CNTN5: variants seen among roughly 807,000 people sequenced by gnomAD.
The protein encoded by CNTN5 is contactin 5.
In CNTN5, 77 loss-of-function variants were observed where a neutral mutation model predicts 129.1. The ratio of observed to expected loss-of-function variants is 0.60; its 90% confidence interval spans 0.50 to 0.72. The LOEUF (loss-of-function observed/expected upper bound fraction) is 0.72. CNTN5 is among the 30% of genes least tolerant of loss of function. CNTN5 has a pLI of 0.00. For synonymous variants in CNTN5, 509 were observed against 465.6 expected (o/e 1.09, Z -1.20); for missense variants, 1,478 against 1,328.8 (o/e 1.11, Z -1.75).
intron 2 of CNTN5, among the ~76,000 whole-genome samples, chr11:99,381,571 A>C (rs1216796099): frequency 6.6e-6 from 1 of 152,228 alleles, no homozygotes; most frequent in Non-Finnish European, 1.5e-5. Flanking sequence ...TTTCAAGATT[A>C]GTCAGAAGTT....
At chr11:100,171,477 A>C (rs1398376883) in intron 13 of CNTN5, among the ~76,000 whole-genome samples, 1 of 152,048 alleles carries the variant, frequency 6.6e-6, no homozygotes. Context: ...GCATTAAGAA[A>C]TACTGTCAGG....
chr11:99,903,367 A>G (rs966870846), intron 6 of CNTN5, among the ~76,000 whole-genome samples: 12 of 151,938 alleles, frequency 7.9e-5, no homozygotes, highest in Admixed American at 2.6e-4. Context: ...AAAATTCAAA[A>G]CAGTCCTTTA....
chr11:100,169,807 A>C (rs1438107082), intron 13 of CNTN5, among the ~76,000 whole-genome samples: 1 of 151,942 alleles, frequency 6.6e-6, no homozygotes, highest in Non-Finnish European at 1.5e-5. Flanking sequence ...AGTATGACTA[A>C]GTTTTTCCAT....
At chr11:100,040,529 A>G (rs1322417504) in intron 9 of CNTN5, among the ~76,000 whole-genome samples, 1 of 152,186 alleles carries the variant, frequency 6.6e-6, no homozygotes, top group Non-Finnish European at 1.5e-5. Context: ...TGCAGAGGTT[A>G]CTGCTGTCTT....
intron 3 of CNTN5, among the ~76,000 whole-genome samples, chr11:99,615,471 C>T (rs550757397): frequency 1.4e-4 from 21 of 152,136 alleles, no homozygotes; most frequent in Admixed American, 9.8e-4. Context: ...CACAATTTTC[C>T]TACCTATATT....
chr11:99,292,966 T>C (rs956596011), intron 1 of CNTN5, among the ~76,000 whole-genome samples: 2 of 152,206 alleles, frequency 1.3e-5, no homozygotes, highest in Admixed American at 1.3e-4. Flanking sequence ...AATGAAAGTA[T>C]ACCCTGTAAG....
chr11:100,035,593 T>G (rs1428326495), intron 9 of CNTN5, among the ~76,000 whole-genome samples: 4 of 142,388 alleles, frequency 2.8e-5, no homozygotes, highest in Non-Finnish European at 4.6e-5. Flanking sequence ...ACCAACAGTG[T>G]AAAAGTGTTC....
At chr11:99,975,027 A>G (rs1056413552) in intron 8 of CNTN5, among the ~76,000 whole-genome samples, 1 of 152,262 alleles carries the variant, frequency 6.6e-6, no homozygotes, top group Non-Finnish European at 1.5e-5. Flanking sequence ...GCAACTTGCA[A>G]ATGATTCATA....
At chr11:100,039,074 T>C (rs1942216744) in intron 9 of CNTN5, among the ~76,000 whole-genome samples, 1 of 152,228 alleles carries the variant, frequency 6.6e-6, no homozygotes, top group Non-Finnish European at 1.5e-5. Flanking sequence ...TGATGGTCTT[T>C]ACAACTTGGC....
intron 3 of CNTN5, among the ~76,000 whole-genome samples, chr11:99,782,988 T>C (rs1344293164): frequency 6.6e-6 from 1 of 151,308 alleles, no homozygotes; most frequent in African/African-American, 2.4e-5. Flanking sequence ...GGGATCTAAT[T>C]AAAGAGCTTC....
chr11:99,231,181 G>T, intron 1 of CNTN5, among the ~76,000 whole-genome samples: 1 of 152,102 alleles, frequency 6.6e-6, no homozygotes. Context: ...TAACGGAATT[G>T]CTTAGTCAAA....
At position 99,826,672 on chromosome 11, in the gene CNTN5, G is replaced by A. The variant is rs532333081; in HGVS notation, c.277+6907G>A. Among the ~76,000 whole-genome samples, 51 of 152,274 alleles carry A rather than the reference G, an allele frequency of 3.3e-4. 1 individual carries two copies. Among genetic ancestry groups the A allele is most frequent in the Admixed American group, 2.4e-3 (37 of 15,294 alleles). ...AAGGGGTAAGAGAGAACACTCCTAT[G>A]TTTAAGGAAACTGCACGTTATATAT... On this transcript the variant is annotated intron_variant, in intron 4 of 24. Coordinates refer to ENST00000524871, the MANE Select transcript of CNTN5 (RefSeq NM_014361.4).
chr11:99,180,801 T>C (rs1858015697), intron 1 of CNTN5, among the ~76,000 whole-genome samples: 1 of 152,144 alleles, frequency 6.6e-6, no homozygotes. Context: ...GAAGCACAAT[T>C]AATAAAATAC....
At chr11:99,093,279 A>T (rs1332624854) in intron 1 of CNTN5, among the ~76,000 whole-genome samples, 1 of 152,076 alleles carries the variant, frequency 6.6e-6, no homozygotes, top group African/African-American at 2.4e-5. Context: ...AAATACAGAA[A>T]TTATTTTTAA....
chr11:99,889,312 GTGTGT>G (rs1565642584), intron 6 of CNTN5, among the ~76,000 whole-genome samples: 37 of 113,258 alleles, frequency 3.3e-4, no homozygotes, highest in African/African-American at 1.0e-3. Context: ...GTGTGTGTGT[GTGTGT>G]GTGTGTGTGT....
At chr11:99,817,737 T>G (rs1341364480) in intron 3 of CNTN5, among the ~76,000 whole-genome samples, 1 of 152,068 alleles carries the variant, frequency 6.6e-6, no homozygotes, top group Non-Finnish European at 1.5e-5. Flanking sequence ...CATTCACTTT[T>G]CATTACCTTA....
At chr11:99,167,443 A>G (rs1394970650) in intron 1 of CNTN5, among the ~76,000 whole-genome samples, 1 of 152,166 alleles carries the variant, frequency 6.6e-6, no homozygotes, top group African/African-American at 2.4e-5. Flanking sequence ...ACTTATACTG[A>G]ACTAGCCTAT....
intron 18 of CNTN5, among the ~76,000 whole-genome samples, chr11:100,280,413 C>G (rs1270684756): frequency 6.6e-6 from 1 of 151,826 alleles, no homozygotes. Context: ...CTGAATTCAC[C>G]CCTTTATCTT....
At position 100,193,547 on chromosome 11, in the gene CNTN5, G is replaced by A; in HGVS notation, c.1768G>A (p.Val590Ile). The change falls in exon 15 of 25, where the codon GTC becomes ATC. Residue 590 changes from valine to isoleucine, a missense_variant. Val to Ile is a conservative substitution (Grantham distance 29). Transcript: ENST00000524871. Reference sequence around the variant, plus strand: ...AGAATTGACAGTGGGAGAAAGCATTGTCCTTAATTGCAAAGCAATTCACGA... The same window carrying A: ...AGAATTGACAGTGGGAGAAAGCATTATCCTTAATTGCAAAGCAATTCACGA... ...RTELTVGESI[V>I]LNCKAIHDAS... 1.9e-6 allele frequency: 3 copies of A among 1,610,952 alleles called. No homozygotes were observed. Among genetic ancestry groups the A allele is most frequent in the Non-Finnish European group, 2.5e-6 (3 of 1,178,144 alleles).
Sources: allele counts gnomAD v4.1 joint callset (sites outside exome capture counted in the v4.1 genomes callset), GRCh38; gene constraint gnomAD v4.1.1; transcripts MANE v1.5; gene names NCBI Gene and HGNC (gene_info 2026-07-23, HGNC 2026-07-21).